Variants in MACROD2 observed in about 807,000 individuals in gnomAD.
The protein encoded by MACROD2 is mono-ADP ribosylhydrolase 2.
In MACROD2, 36 loss-of-function variants were observed where a neutral mutation model predicts 70.4. The ratio of observed to expected loss-of-function variants is 0.51; its 90% CI spans 0.39 to 0.68. MACROD2 has a LOEUF of 0.68. Among genes scored for constraint, MACROD2 ranks in the 30% least tolerant of loss-of-function variants. The pLI, the probability that MACROD2 is intolerant of heterozygous loss-of-function variation, is 0.00. For synonymous variants in MACROD2, 172 were observed against 178.8 expected (o/e 0.96, Z 0.30); for missense variants, 496 against 538.4 (o/e 0.92, Z 0.78).
At chr20:14,793,892 G>T (rs2072480400) in intron 5 of MACROD2, among the ~76,000 whole-genome samples, 1 of 152,032 alleles carries the variant, frequency 6.6e-6, no homozygotes, top group South Asian at 2.1e-4. Flanking sequence ...TATGGCCGGG[G>T]CTTCTCTGAC....
intron 5 of MACROD2, among the ~76,000 whole-genome samples, chr20:14,764,651 C>T (rs901526318): frequency 2.6e-5 from 4 of 152,004 alleles, no homozygotes; most frequent in Non-Finnish European, 4.4e-5. Context: ...TACCAGACAT[C>T]CCAGGTGAAA....
intron 2 of MACROD2, among the ~76,000 whole-genome samples, chr20:14,019,111 G>A (rs760374070): frequency 1.4e-4 from 21 of 152,142 alleles, no homozygotes; most frequent in Non-Finnish European, 2.2e-4. Context: ...CTGAGGTTCT[G>A]TAACTGACCA....
At chr20:15,417,613 A>G (rs1260565012) in intron 6 of MACROD2, among the ~76,000 whole-genome samples, 30 of 134,912 alleles carry the variant, frequency 2.2e-4, no homozygotes, top group Non-Finnish European at 3.5e-4. Flanking sequence ...AAAAAAAAAA[A>G]AAAGAAAGAA....
chr20:15,914,075 A>G (rs2065275705), intron 10 of MACROD2, among the ~76,000 whole-genome samples: 1 of 152,226 alleles, frequency 6.6e-6, no homozygotes, highest in South Asian at 2.1e-4. Flanking sequence ...TGGACATGGT[A>G]ATAAAACATT....
At chr20:15,057,870 C>T (rs2075499489) in intron 5 of MACROD2, among the ~76,000 whole-genome samples, 1 of 152,082 alleles carries the variant, frequency 6.6e-6, no homozygotes, top group South Asian at 2.1e-4. Context: ...CTCTCACTGC[C>T]CCTTACGTTT....
At chr20:16,016,986 A>T (rs2066938354) in intron 15 of MACROD2, among the ~76,000 whole-genome samples, 1 of 152,106 alleles carries the variant, frequency 6.6e-6, no homozygotes, top group Non-Finnish European at 1.5e-5. Context: ...CCTAATCAAA[A>T]CTACCTTTCA....
rs907791867 is a variant in MACROD2, at chr20:13,995,900, C to T, written c.46+91C>T. On this transcript the variant is annotated intron_variant, in intron 1 of 17. Coordinates refer to ENST00000684519, the MANE Select transcript of MACROD2 (RefSeq NM_001351661.2). The surrounding 1 kb of genome is among the most constrained non-coding windows in gnomAD (Gnocchi z 4.3). ...TGTGTGTGCCGCGGCGCCCTCCGCC[C>T]GAGCTCCCGCCTCGCGCCCTCCCGG... 6 of 1,447,268 alleles carry T rather than the reference C, an allele frequency of 4.1e-6. No individual in the cohort carries two copies. In the African/African-American group the frequency reaches 4.2e-5, roughly 10 times the overall value. 89.7% of individuals were successfully genotyped at this position (1,447,268 alleles called of 1,614,324 possible).
At chr20:15,358,478 T>G (rs1204070951) in intron 6 of MACROD2, among the ~76,000 whole-genome samples, 2 of 147,768 alleles carry the variant, frequency 1.4e-5, no homozygotes, top group African/African-American at 2.5e-5. Context: ...TTTATAACAT[T>G]AATACTTGAT....
intron 5 of MACROD2, chr20:14,757,690 T>A: frequency 6.9e-7 from 1 of 1,439,120 alleles, no homozygotes; most frequent in Non-Finnish European, 9.8e-7. Flanking sequence ...CCAACCTTCC[T>A]GTCATAAAGG....
intron 10 of MACROD2, among the ~76,000 whole-genome samples, chr20:15,891,585 C>T (rs1479147669): frequency 6.6e-6 from 1 of 152,082 alleles, no homozygotes. Context: ...AGGTTGAACA[C>T]AGTAGATGAA....
At chr20:15,484,682 G>C (rs1253641331) in intron 7 of MACROD2, among the ~76,000 whole-genome samples, 1 of 152,148 alleles carries the variant, frequency 6.6e-6, no homozygotes, top group Non-Finnish European at 1.5e-5. Flanking sequence ...AGCATGAGGG[G>C]ATTTTTCTCT....
At chr20:15,906,242 G>A (rs1203638414) in intron 10 of MACROD2, among the ~76,000 whole-genome samples, 1 of 152,224 alleles carries the variant, frequency 6.6e-6, no homozygotes, top group African/African-American at 2.4e-5. Flanking sequence ...GCAGATTCCT[G>A]CACCTAGCCC....
intron 9 of MACROD2, among the ~76,000 whole-genome samples, chr20:15,872,946 T>C (rs1202238363): frequency 6.6e-6 from 1 of 152,156 alleles, no homozygotes; most frequent in East Asian, 1.9e-4. Context: ...TATGAATTCT[T>C]CCATAACTTA....
At chr20:15,358,240 AAGT>A (rs1403137314) in intron 6 of MACROD2, among the ~76,000 whole-genome samples, 1 of 152,200 alleles carries the variant, frequency 6.6e-6, no homozygotes, top group Non-Finnish European at 1.5e-5. Context: ...TAGGAGAGAT[AAGT>A]AGTATATTTA....
intron 6 of MACROD2, among the ~76,000 whole-genome samples, chr20:15,299,831 C>A (rs1192014832): frequency 1.3e-5 from 2 of 152,190 alleles, no homozygotes. Flanking sequence ...TATGGGAACC[C>A]ACCTGGGGTC....
rs548589708 is a variant in MACROD2, at chr20:14,876,337, G to GT, written c.418+191381dup. Among the ~76,000 whole-genome samples the GT allele has an allele frequency of 1.1e-4, 17 of 152,098 alleles. No individual in the cohort carries two copies. The East Asian group carries it at 3.3e-3, about 29-fold the overall frequency. On this transcript the variant is annotated intron_variant, in intron 5 of 17. Transcript: ENST00000684519. ...AGGGTTGTTTTTTGCCTGTTCAGTT[G>GT]TTTAAGTTACTTATAGATTGTGGAT...
intron 4 of MACROD2, among the ~76,000 whole-genome samples, chr20:14,576,270 T>C (rs1299712131): frequency 1.3e-5 from 2 of 152,174 alleles, no homozygotes; most frequent in Non-Finnish European, 2.9e-5. Flanking sequence ...TGATGTGATT[T>C]GATGGCCAGT....
chr20:14,484,747 CTTG>C (rs1456863562), intron 3 of MACROD2, among the ~76,000 whole-genome samples: 1 of 152,182 alleles, frequency 6.6e-6, no homozygotes. Flanking sequence ...CAGTTCCATC[CTTG>C]TTGTTGCAAA....
chr20:14,091,809 A>C (rs6042525), intron 3 of MACROD2, among the ~76,000 whole-genome samples: 6,236 of 152,146 alleles, frequency 0.041, 176 homozygotes, highest in African/African-American at 0.08. Flanking sequence ...CATTGTATGG[A>C]TGTACCAGAG....
Sources: gnomAD v4.1 joint callset for allele counts (sites outside exome capture counted in the v4.1 genomes callset) on GRCh38, gnomAD v4.1.1 for gene constraint, Gnocchi (gnomAD v3.1) non-coding constraint, MANE v1.5 for transcripts, NCBI Gene and HGNC (gene_info 2026-07-23, HGNC 2026-07-21) for gene names.